SAMMSON: variants seen among roughly 807,000 people sequenced by gnomAD.
The protein encoded by SAMMSON is long intergenic non-protein coding RNA 1212.
At chr3:70,416,738 T>C (rs1235495330) in intron 2 of SAMMSON, among the ~76,000 whole-genome samples, 2 of 152,132 alleles carry the variant, frequency 1.3e-5, no homozygotes, top group East Asian at 3.9e-4. Flanking sequence ...GGGATCTATA[T>C]CACCAGCATG....
intron 4 of SAMMSON, among the ~76,000 whole-genome samples, chr3:70,167,383 T>C (rs1576141439): frequency 6.6e-6 from 1 of 152,038 alleles, no homozygotes; most frequent in Non-Finnish European, 1.5e-5. Flanking sequence ...CATCTTCTAA[T>C]AGATGATCTT....
chr3:70,215,812 A>T (rs1701402158), intron 4 of SAMMSON, among the ~76,000 whole-genome samples: 1 of 152,136 alleles, frequency 6.6e-6, no homozygotes, highest in Non-Finnish European at 1.5e-5. Context: ...GACAGACTAA[A>T]GGTGGCGTGT....
chr3:70,194,092 C>T (rs1488431393), intron 4 of SAMMSON, among the ~76,000 whole-genome samples: 2 of 152,114 alleles, frequency 1.3e-5, no homozygotes, highest in African/African-American at 2.4e-5. Context: ...CATATTTTGT[C>T]GGCTTTTACA....
At chr3:70,145,848 G>C (rs2067546956) in intron 4 of SAMMSON, among the ~76,000 whole-genome samples, 4 of 151,256 alleles carry the variant, frequency 2.6e-5, no homozygotes. Context: ...AATAAAGATA[G>C]GAGAAATCAA....
At chr3:70,246,099 A>T (rs1701705920) in intron 4 of SAMMSON, among the ~76,000 whole-genome samples, 1 of 150,998 alleles carries the variant, frequency 6.6e-6, no homozygotes, top group Non-Finnish European at 1.5e-5. Flanking sequence ...TACACACCAT[A>T]AAAAAAAACC....
At chr3:70,336,682 G>C (rs1347786261) in intron 7 of SAMMSON, among the ~76,000 whole-genome samples, 1 of 151,954 alleles carries the variant, frequency 6.6e-6, no homozygotes, top group African/African-American at 2.4e-5. Context: ...GACCTTGGTA[G>C]AATAATTCAG....
At chr3:70,207,661 A>T (rs1375358470) in intron 4 of SAMMSON, among the ~76,000 whole-genome samples, 1 of 152,138 alleles carries the variant, frequency 6.6e-6, no homozygotes, top group Non-Finnish European at 1.5e-5. Flanking sequence ...AACAATAAAA[A>T]TGATACAAAT....
At chr3:70,097,693 C>T (rs568408102) in intron 4 of SAMMSON, among the ~76,000 whole-genome samples, 1 of 152,244 alleles carries the variant, frequency 6.6e-6, no homozygotes, top group East Asian at 1.9e-4. Flanking sequence ...TTGACTTTCT[C>T]CTATGTGACA....
Position 70,082,981 on chromosome 3 carries a change from T to C in SAMMSON, n.507+11416T>C, listed in dbSNP as rs1036768362. Among the ~76,000 whole-genome samples the C allele has an allele frequency of 1.2e-4, 19 of 152,232 alleles. 1 individual carries two copies. The highest frequency in any genetic ancestry group is 2.4e-5 in the African/African-American group (1 of 41,464). ...AGGATTCAAATCCAGACAGCCTGGC[T>C]GTAAGGTCTCTGTGTTTTGCTACTA... On this transcript the variant is annotated intron_variant and non_coding_transcript_variant, in intron 4 of 9. Coordinates refer to ENST00000642114, the Ensembl canonical transcript of SAMMSON.
intron 4 of SAMMSON, among the ~76,000 whole-genome samples, chr3:70,182,000 C>T (rs1701056520): frequency 6.6e-6 from 1 of 152,018 alleles, no homozygotes; most frequent in Non-Finnish European, 1.5e-5. Flanking sequence ...TCTTCAGAAT[C>T]ACAGGGTTTA....
chr3:70,282,587 A>C (rs1035664629), intron 6 of SAMMSON, among the ~76,000 whole-genome samples: 2 of 152,132 alleles, frequency 1.3e-5, no homozygotes, highest in African/African-American at 2.4e-5. Context: ...GGAACTTTGC[A>C]CTTGCTATTT....
intron 4 of SAMMSON, among the ~76,000 whole-genome samples, chr3:70,183,059 A>G (rs1701066460): frequency 6.6e-6 from 1 of 152,202 alleles, no homozygotes; most frequent in African/African-American, 2.4e-5. Flanking sequence ...CTGGATTCAA[A>G]TAATAACTAT....
chr3:70,363,145 CA>C (rs1171396187), intron 9 of SAMMSON, among the ~76,000 whole-genome samples: 3 of 151,912 alleles, frequency 2.0e-5, no homozygotes, highest in African/African-American at 7.2e-5. Context: ...AGAAAGCCAA[CA>C]AAACTTGCCT....
chr3:70,046,860 C>T (rs527721834), intron 3 of SAMMSON, among the ~76,000 whole-genome samples: 321 of 152,134 alleles, frequency 2.1e-3, no homozygotes, highest in Non-Finnish European at 3.6e-3. Flanking sequence ...TCAAAGTCAG[C>T]CCTGTTCATC....
chr3:70,121,373 T>G lies in SAMMSON; in HGVS notation n.507+49808T>G, dbSNP rs559542184. ...TCTCAGTCATACCTAGCATAAGCCC[T>G]GAGTAGGAGGATGTCTAGAAAGAAC... On this transcript the variant is annotated intron_variant and non_coding_transcript_variant, in intron 4 of 9. Coordinates refer to ENST00000642114, the Ensembl canonical transcript of SAMMSON. Among the ~76,000 whole-genome samples the G allele has an allele frequency of 1.3e-3, 199 of 152,232 alleles. 1 individual carries two copies. The highest frequency in any genetic ancestry group is 4.6e-3 in the African/African-American group (191 of 41,548).
chr3:70,394,247 G>T (rs542562017), downstream of SAMMSON, among the ~76,000 whole-genome samples: 5 of 152,302 alleles, frequency 3.3e-5, no homozygotes, highest in African/African-American at 1.2e-4. Context: ...CCGACTGAAA[G>T]TCAAGTGTGT....
At chr3:70,062,292 A>G (rs1270749905) in intron 3 of SAMMSON, among the ~76,000 whole-genome samples, 1 of 151,820 alleles carries the variant, frequency 6.6e-6, no homozygotes, top group African/African-American at 2.4e-5. Context: ...GCCCTGTTTT[A>G]TTTTCTTCAC....
chr3:70,422,050 G>A (rs995752483), intron 2 of SAMMSON, among the ~76,000 whole-genome samples: 1 of 151,890 alleles, frequency 6.6e-6, no homozygotes, highest in Non-Finnish European at 1.5e-5. Flanking sequence ...TATTTACTGT[G>A]CTAAAAATTT....
At chr3:70,361,865 A>T (rs1254548961) in intron 9 of SAMMSON, among the ~76,000 whole-genome samples, 1 of 152,180 alleles carries the variant, frequency 6.6e-6, no homozygotes, top group African/African-American at 2.4e-5. Flanking sequence ...ATCCAAAAAT[A>T]GGAGACAAAT....
Sources: gnomAD v4.1 joint callset for allele counts (sites outside exome capture counted in the v4.1 genomes callset) on GRCh38, gnomAD v4.1.1 for gene constraint, MANE v1.5 for transcripts, NCBI Gene and HGNC (gene_info 2026-07-23, HGNC 2026-07-21) for gene names.